The following NECTIN2 variants were observed in gnomAD, a reference collection of about 807,000 sequenced individuals.
NECTIN2 encodes nectin cell adhesion molecule 2, also known as nectin-2.
NECTIN2 carries 23 observed loss-of-function variants against 56.9 expected under a neutral mutation model. The ratio of observed to expected loss-of-function variants is 0.40; its 90% CI spans 0.29 to 0.57. The LOEUF is 0.57. NECTIN2 is among the 20% of genes least tolerant of loss of function. The pLI is 0.38. For synonymous variants in NECTIN2, 302 were observed against 313.8 expected, an observed-to-expected ratio of 0.96 and a Z score of 0.40; for missense variants, 587 against 718.3, an observed-to-expected ratio of 0.82 and a Z score of 2.09.
intron 3 of NECTIN2, among the ~76,000 whole-genome samples, chr19:44,872,818 T>C (rs1016370066): frequency 2.7e-5 from 4 of 146,892 alleles, no homozygotes; most frequent in Admixed American, 6.8e-5. Flanking sequence ...TTATTATATT[T>C]TTATATATTA....
At position 44,872,131 on chromosome 19, in the gene NECTIN2, G is replaced by T. The variant is rs1164086382; in HGVS notation, c.757G>T (p.Val253Leu). 6.2e-7 allele frequency: 1 copy of T among 1,614,034 alleles called. No individual in the cohort carries two copies. The highest frequency in any genetic ancestry group is 2.2e-5 in the East Asian group (1 of 44,882). Reference protein sequence around the residue: ...ESFEEPALIPVTLSVRYPPEV... With the variant: ...ESFEEPALIPLTLSVRYPPEV... ...CTTCGAGGAACCAGCCCTGATACCT[G>T]TGACCCTCTCTGTACGCTGTGAGTG... The change falls in exon 3 of 9, where the codon GTG (valine) becomes TTG (leucine). Residue 253 changes from valine to leucine, a missense_variant. Physicochemically the swap from Val to Leu is conservative, Grantham distance 32. Transcript: ENST00000252483.
intron 1 of NECTIN2, among the ~76,000 whole-genome samples, chr19:44,854,545 G>T (rs563167693): frequency 2.0e-5 from 3 of 152,178 alleles, no homozygotes; most frequent in Non-Finnish European, 4.4e-5. Context: ...AGGTGCAGTG[G>T]CTTATGCCTA....
chr19:44,865,508 A>G lies in NECTIN2; in HGVS notation c.326A>G (p.Lys109Arg). 3.7e-6 allele frequency: 6 copies of G among 1,600,714 alleles called. No homozygotes were observed. The Admixed American group carries it at 8.7e-5, about 23-fold the overall frequency. The change falls in exon 2 of 9, where the codon AAG becomes AGG. Residue 109 changes from lysine to arginine, a missense_variant. Lys to Arg is a conservative substitution (Grantham distance 26, BLOSUM62 2). Transcript: ENST00000252483. The surrounding 1 kb of genome is among the most constrained non-coding windows in gnomAD (Gnocchi z 5.2). ...GSERLSFVSA[K>R]QSTGQDTEAE... ...GAGCGGCTGTCCTTCGTCTCTGCCA[A>G]GCAGAGCACTGGGCAAGACACAGAG...
chr19:44,865,320 CGG>C lies in NECTIN2; in HGVS notation c.142_143del (p.Gly48HisfsTer40), dbSNP rs1341837367. 6.2e-7 allele frequency: 1 copy of C among 1,613,844 alleles called. No individual in the cohort carries two copies. Among genetic ancestry groups the C allele is most frequent in the East Asian group, 2.2e-5 (1 of 44,888 alleles). ...QVLPEVRGQL[G>X]GTVELPCHLL... ...TGCTACCCGAGGTGCGAGGCCAGCT[CGG>C]GGGCACCGTGGAGCTGCCGTGCCAC... On this transcript the variant is annotated frameshift_variant, in exon 2 of 9. Transcript: ENST00000252483. LOFTEE classifies it high-confidence loss of function. This position sits in a 1 kb window ranked among gnomAD's most constrained non-coding sequence, Gnocchi z 5.2.
intron 5 of NECTIN2, chr19:44,878,449 G>A: frequency 4.4e-6 from 7 of 1,602,940 alleles, no homozygotes; most frequent in Non-Finnish European, 6.0e-6. Flanking sequence ...CCGTCTTCTG[G>A]ACACCAGTAG....
intron 1 of NECTIN2, among the ~76,000 whole-genome samples, chr19:44,856,620 G>A (rs925178511): frequency 4.6e-5 from 7 of 152,166 alleles, no homozygotes; most frequent in African/African-American, 1.7e-4. Context: ...GCCTAGCTAG[G>A]AAGGGGCCAG....
rs997677074 is a variant in NECTIN2, at chr19:44,875,902, G to C, written c.1042+1424G>C. On this transcript the variant is annotated intron_variant, in intron 5 of 8. Transcript: ENST00000252483. The surrounding 1 kb of genome is among the most constrained non-coding windows in gnomAD (Gnocchi z 4.2). ...CAGAGAGACAGCTGTCCCGCTCTGG[G>C]CTCGCCTGGCGCGTGAGGATGCACA... is the stretch of plus-strand genomic sequence containing the variant. Among the ~76,000 whole-genome samples the C allele has an allele frequency of 2.6e-5, 4 of 152,168 alleles. No homozygotes were observed. The highest frequency in any genetic ancestry group is 9.7e-5 in the African/African-American group (4 of 41,424).
intron 1 of NECTIN2, among the ~76,000 whole-genome samples, chr19:44,850,652 C>A (rs1360746451): frequency 2.0e-5 from 3 of 151,994 alleles, no homozygotes; most frequent in African/African-American, 7.3e-5. Flanking sequence ...CTCAAAAAAA[C>A]AAAACAAAAC....
intron 1 of NECTIN2, among the ~76,000 whole-genome samples, chr19:44,859,381 G>A (rs1327730187): frequency 6.6e-6 from 1 of 152,140 alleles, no homozygotes; most frequent in African/African-American, 2.4e-5. Context: ...ATCACAGCTG[G>A]GGAAACTGAG....
At position 44,874,519 on chromosome 19, in the gene NECTIN2, G is replaced by T; in HGVS notation, c.1042+41G>T. ...GGGCCGTGTGTGGAGACCTGGGTCC[G>T]CTCCCCTGGAGTTCTGCCCTTCAGG... On this transcript the variant is annotated intron_variant, in intron 5 of 8. Transcript: ENST00000252483. This position sits in a 1 kb window ranked among gnomAD's most constrained non-coding sequence, Gnocchi z 6.3. 1.2e-6 allele frequency: 2 copies of T among 1,605,976 alleles called. No individual in the cohort carries two copies.
intron 8 of NECTIN2, 128 bp downstream of exon 8, chr19:44,886,347 C>G: frequency 1.4e-6 from 1 of 709,404 alleles, no homozygotes. Flanking sequence ...CCGGTTGGTG[C>G]TTAATGCATT....
chr19:44,849,411 A>G (rs570097043), intron 1 of NECTIN2, among the ~76,000 whole-genome samples: 3 of 152,174 alleles, frequency 2.0e-5, no homozygotes, highest in Non-Finnish European at 4.4e-5. Flanking sequence ...AGGTCAGGGT[A>G]CAGGGGGCCT....
At position 44,885,921 on chromosome 19, in the gene NECTIN2, A is replaced by G. The variant is rs766380947; in HGVS notation, c.1197-16A>G. 13 of 1,554,638 alleles carry G rather than the reference A, an allele frequency of 8.4e-6. No homozygotes were observed. Among genetic ancestry groups the G allele is most frequent in the Admixed American group, 6.7e-5 (4 of 59,902 alleles). On this transcript the variant is annotated splice_polypyrimidine_tract_variant and intron_variant, in intron 6 of 8. Coordinates refer to ENST00000252483, the MANE Select transcript of NECTIN2 (RefSeq NM_001042724.2). ...CTGGGTCTTAATCTCCACTTGTCCT[A>G]CCTCCTACCCCACAGCCTGGAGGGA...
intron 5 of NECTIN2, among the ~76,000 whole-genome samples, chr19:44,881,672 G>C (rs1969309432): frequency 6.6e-6 from 1 of 152,110 alleles, no homozygotes; most frequent in African/African-American, 2.4e-5. Context: ...GGGTGACAAA[G>C]CGAGACCGTC....
At chr19:44,880,385 T>C (rs961159521) in intron 5 of NECTIN2, among the ~76,000 whole-genome samples, 9 of 151,460 alleles carry the variant, frequency 5.9e-5, no homozygotes, top group African/African-American at 2.2e-4. Flanking sequence ...TAGGAAAGAC[T>C]TGAGAAATGG....
chr19:44,878,076 CAG>C, intron 5 of NECTIN2: 3 of 559,856 alleles, frequency 5.4e-6, no homozygotes, highest in South Asian at 5.1e-5. Flanking sequence ...TTCTTCTGCC[CAG>C]AGTCACCCCC....
rs559478713 is a variant in NECTIN2, at chr19:44,864,558, C to T, written c.89-713C>T. Among the ~76,000 whole-genome samples, 14 of 152,216 alleles carry T rather than the reference C, an allele frequency of 9.2e-5. No homozygotes were observed. The South Asian group carries it at 2.1e-3, about 23-fold the overall frequency. On this transcript the variant is annotated intron_variant, in intron 1 of 8. Transcript: ENST00000252483. ...CCTGGTGGCCGGGCGCGGTGGCTCA[C>T]GCCTGTAATCCCAGCACTTTGGGAG...
chr19:44,865,804 C>T lies in NECTIN2; in HGVS notation c.478+144C>T. ...CATCCATCAGCAAATGTTCATTAAG[C>T]ACCTACCGCGTGCCAGATGCTTTTC... On this transcript the variant is annotated intron_variant, in intron 2 of 8. Transcript: ENST00000252483. The surrounding 1 kb of genome is among the most constrained non-coding windows in gnomAD (Gnocchi z 5.2). 2.0e-6 allele frequency: 2 copies of T among 1,000,078 alleles called. No individual in the cohort carries two copies. Among genetic ancestry groups the T allele is most frequent in the Non-Finnish European group, 2.8e-6 (2 of 708,250 alleles). 62.0% of individuals were successfully genotyped at this position (1,000,078 alleles called of 1,614,324 possible).
At chr19:44,847,066 C>T (rs1382159661) in intron 1 of NECTIN2, among the ~76,000 whole-genome samples, 1 of 152,178 alleles carries the variant, frequency 6.6e-6, no homozygotes, top group Non-Finnish European at 1.5e-5. Flanking sequence ...GCGAGACCAC[C>T]TCCCTCCCCT....
Sources: allele counts gnomAD v4.1 joint callset (sites outside exome capture counted in the v4.1 genomes callset), GRCh38; gene constraint gnomAD v4.1.1; non-coding constraint Gnocchi (gnomAD v3.1); transcripts MANE v1.5; gene names NCBI Gene and HGNC (gene_info 2026-07-23, HGNC 2026-07-21).